Variants in KRT6A observed in about 807,000 individuals in gnomAD.
The protein encoded by KRT6A is keratin 6A.
In KRT6A, 28 loss-of-function variants were observed where a neutral mutation model predicts 48.6. The ratio of observed to expected loss-of-function variants is 0.58; its 90% CI spans 0.43 to 0.79. KRT6A has a LOEUF of 0.79. Ranked by LOEUF, KRT6A falls within the 30% of genes least tolerant of loss-of-function variation. The probability of loss-of-function intolerance (pLI) is 0.00; values close to 1 mark genes in which losing one functional copy is unlikely to be tolerated. For synonymous variants in KRT6A, 301 were observed against 294.2 expected (o/e 1.02, Z -0.24); for missense variants, 687 against 724.3 (o/e 0.95, Z 0.59).
chr12:52,490,925 A>T lies in KRT6A; in HGVS notation c.845T>A (p.Val282Asp). The change falls in exon 4 of 9, where the codon GTT (valine) becomes GAT (aspartate). Residue 282 changes from valine (V) to aspartate (D), a missense_variant. By Grantham distance (152) the Val-to-Asp change is radical. Around this residue, in one of 3 missense-constraint regions of KRT6A, gnomAD observed 566 missense variants for 565.3 expected, o/e 1.00. Transcript: ENST00000330722. Reference sequence around the variant, plus strand: ...AGTGTCTGCCTTGGCTTGCAGTTCAACCTTGTTCATGTAGGCAGCATCCAC... The same window carrying T: ...AGTGTCTGCCTTGGCTTGCAGTTCATCCTTGTTCATGTAGGCAGCATCCAC... ...KDVDAAYMNK[V>D]ELQAKADTLT... The T allele has an allele frequency of 3.1e-6, 5 of 1,613,914 alleles. No homozygotes were observed. The African/African-American group carries it at 5.3e-5, about 17-fold the overall frequency.
chr12:52,488,674 CCTAT>C (rs1344068928), intron 6 of KRT6A, 126 bp from the exon 7 acceptor site: 2 of 1,213,792 alleles, frequency 1.6e-6, no homozygotes, highest in East Asian at 2.6e-5. Context: ...TCTGACTCTT[CCTAT>C]CTATTGTTTT....
At chr12:52,490,235 T>C (rs2120399573) in intron 5 of KRT6A, 167 bp from the exon 6 acceptor site, 3 of 1,303,440 alleles carry the variant, frequency 2.3e-6, no homozygotes, top group Non-Finnish European at 2.2e-6. Flanking sequence ...AACACTGGAG[T>C]CACAGACCAT....
chr12:52,488,780 T>C (rs542458509), intron 6 of KRT6A, among the ~76,000 whole-genome samples: 1 of 152,288 alleles, frequency 6.6e-6, no homozygotes, highest in African/African-American at 2.4e-5. Flanking sequence ...AATGTGGATA[T>C]TTACTAATGG....
In KRT6A at chr12:52,487,554, G is replaced by A. The variant is rs1288352046; in HGVS notation, c.*166C>T. 2.6e-6 allele frequency: 2 copies of A among 780,820 alleles called. No individual in the cohort carries two copies. Among genetic ancestry groups the A allele is most frequent in the East Asian group, 2.7e-5 (1 of 37,402 alleles). The allele number at this position is 780,820 out of a possible 1,614,324, so 48.4% of individuals were successfully genotyped here. ...ATGGTGAGCAATGGGTGCTCAGATG[G>A]TATAGAGAGAGAGAGAAGAAGTGAG... is the stretch of plus-strand genomic sequence containing the variant. On this transcript the variant is annotated 3_prime_UTR_variant, in exon 9 of 9. Transcript: ENST00000330722.
chr12:52,492,937 G>A lies in KRT6A; in HGVS notation c.252C>T (p.Gly84=). 1 of 1,607,758 alleles carries A rather than the reference G, an allele frequency of 6.2e-7. No individual in the cohort carries two copies. The highest frequency in any genetic ancestry group is 8.5e-7 in the Non-Finnish European group (1 of 1,177,380). Residue 84 remains glycine, a synonymous_variant, in exon 1 of 9, where the codon GGC becomes GGT. Coordinates refer to ENST00000330722, the MANE Select transcript of KRT6A (RefSeq NM_005554.4). The part of the protein sequence containing the change: ...GGSCAISGGY[G]SRAGGSYGFG... The stretch of plus-strand genomic sequence containing the variant: ...AGCCATAGCTGCCTCCGGCTCTGCT[G>A]CCATAGCCGCCACTGATGGCACAGC...
At chr12:52,492,563 C>T (rs1450545648) in intron 1 of KRT6A, 86 bp downstream of exon 1, 1 of 1,610,818 alleles carries the variant, frequency 6.2e-7, no homozygotes, top group Non-Finnish European at 8.5e-7. Context: ...CTTCTCCCTC[C>T]CTCCTAGGTC....
intron 6 of KRT6A, among the ~76,000 whole-genome samples, chr12:52,489,404 G>A (rs1357208032): frequency 1.3e-5 from 2 of 151,994 alleles, no homozygotes; most frequent in African/African-American, 2.4e-5. Context: ...TCAGTCTCCT[G>A]AGTAGCTGGG....
Position 52,488,397 on chromosome 12 carries a change from A to T in KRT6A, c.1355T>A (p.Met452Lys), listed in dbSNP as rs1160271787. ...CACGTCCAGGGCCAGCTTGACATTC[A>T]TCAGCTCCTGGTACTCCTTCAGCAG... ...ARLLKEYQELMNVKLALDVEI... is the reference protein window; with the variant it reads ...ARLLKEYQELKNVKLALDVEI... Residue 452 changes from methionine to lysine, a missense_variant, in exon 7 of 9, where the codon ATG becomes AAG. Physicochemically the swap from Met to Lys is moderately conservative, Grantham distance 95. This residue lies in a region of KRT6A where 566 missense variants were observed against 565.3 expected (regional missense o/e 1.00). Transcript: ENST00000330722. The T allele has an allele frequency of 1.2e-6, 2 of 1,613,946 alleles. No individual in the cohort carries two copies. The highest frequency in any genetic ancestry group is 1.3e-5 in the African/African-American group (1 of 74,888).
At chr12:52,491,882 C>T (rs1193903893) in intron 1 of KRT6A, 146 bp from the exon 2 acceptor site, 6 of 1,061,884 alleles carry the variant, frequency 5.7e-6, no homozygotes, top group Admixed American at 2.0e-5. Context: ...GCTCTGCTCC[C>T]CCAACCCCTT....
Position 52,490,937 on chromosome 12 carries a change from T to C in KRT6A, c.833A>G (p.Tyr278Cys). The stretch of plus-strand genomic sequence containing the variant: ...GGCTTGCAGTTCAACCTTGTTCATG[T>C]AGGCAGCATCCACATCCTGGGGAAA... ...VTLKKDVDAA[Y>C]MNKVELQAKA... The change falls in exon 4 of 9, where the codon TAC becomes TGC. Residue 278 changes from tyrosine (Y) to cysteine (C), a missense_variant. Tyr to Cys is a radical substitution (Grantham distance 194). Coordinates refer to ENST00000330722, the MANE Select transcript of KRT6A (RefSeq NM_005554.4). The C allele has an allele frequency of 6.2e-7, 1 of 1,613,990 alleles. No individual in the cohort carries two copies. Among genetic ancestry groups the C allele is most frequent in the South Asian group, 1.1e-5 (1 of 91,076 alleles).
At position 52,493,185 on chromosome 12, in the gene KRT6A, C is replaced by T. The variant is rs1229026357; in HGVS notation, c.4G>A (p.Ala2Thr). ...CTCCTGATGGTGGTGGATGTGCTGGCCATGGTTCCAGGAGATGAGAGAGCT... is the reference window on the plus strand; with the variant it reads ...CTCCTGATGGTGGTGGATGTGCTGGTCATGGTTCCAGGAGATGAGAGAGCT... M[A>T]STSTTIRSHS... The change falls in exon 1 of 9, where the codon GCC (alanine) becomes ACC (threonine). Residue 2 changes from alanine (A) to threonine (T), a missense_variant. Ala to Thr is a moderately conservative substitution (Grantham distance 58). Around this residue, in one of 3 missense-constraint regions of KRT6A, gnomAD observed 72 missense variants for 61.8 expected, o/e 1.17. Transcript: ENST00000330722. The T allele has an allele frequency of 1.9e-6, 3 of 1,613,988 alleles. No individual in the cohort carries two copies. The highest frequency in any genetic ancestry group is 3.3e-5 in the Admixed American group (2 of 59,998).
intron 6 of KRT6A, among the ~76,000 whole-genome samples, chr12:52,489,053 T>C (rs1938203895): frequency 6.6e-6 from 1 of 152,230 alleles, no homozygotes; most frequent in Non-Finnish European, 1.5e-5. Context: ...ACCTTGAGTC[T>C]TGAGCAGATT....
chr12:52,490,360 G>A lies in KRT6A; in HGVS notation c.1077+209C>T, dbSNP rs571564070. ...TAAATGCAGAGATGACTATGTCCTT[G>A]TCTATGGTAGCTTTCCTCCTGCATT... On this transcript the variant is annotated intron_variant, in intron 5 of 8. Transcript: ENST00000330722. The A allele has an allele frequency of 9.2e-5, 89 of 968,668 alleles. 2 individuals are homozygous for A. In the South Asian group the frequency reaches 1.3e-3, roughly 14 times the overall value. The allele number at this position is 968,668 out of a possible 1,614,324, so 60.0% of individuals were successfully genotyped here. A position where few individuals can be genotyped will look rare whatever the true frequency, so the allele number is the denominator to read the frequency against.
At chr12:52,492,561 T>G (rs549661227) in intron 1 of KRT6A, 88 bp downstream of exon 1, 1 of 1,610,436 alleles carries the variant, frequency 6.2e-7, no homozygotes. Flanking sequence ...CTCTTCTCCC[T>G]CCCTCCTAGG....
intron 5 of KRT6A, 190 bp downstream of exon 5, chr12:52,490,379 C>A (rs1592185104): frequency 9.4e-7 from 1 of 1,062,336 alleles, no homozygotes; most frequent in East Asian, 2.5e-5. Context: ...AGCTTTCCTC[C>A]TGCATTGGGT....
At position 52,490,566 on chromosome 12, in the gene KRT6A, C is replaced by T. The variant is rs757516067; in HGVS notation, c.1077+3G>A. On this transcript the variant is annotated splice_donor_region_variant and intron_variant, in intron 5 of 8. Transcript: ENST00000330722. Reference sequence around the variant, plus strand: ...CCTCAGCGGCTGCCCACTCCCTGCTCACCTTGGTCTGGTACCAGGACTCAG... The same window carrying T: ...CCTCAGCGGCTGCCCACTCCCTGCTTACCTTGGTCTGGTACCAGGACTCAG... 1.3e-5 allele frequency: 21 copies of T among 1,614,234 alleles called. No individual in the cohort carries two copies. The highest frequency in any genetic ancestry group is 1.6e-5 in the Non-Finnish European group (19 of 1,180,046).
In KRT6A at chr12:52,487,565, G is replaced by T; in HGVS notation, c.*155C>A. ...TGGGTGCTCAGATGGTATAGAGAGA[G>T]AGAGAAGAAGTGAGGGCACTAAGCA... On this transcript the variant is annotated 3_prime_UTR_variant, in exon 9 of 9. Coordinates refer to ENST00000330722, the MANE Select transcript of KRT6A (RefSeq NM_005554.4). The T allele has an allele frequency of 2.4e-6, 2 of 842,788 alleles. No individual in the cohort carries two copies. Among genetic ancestry groups the T allele is most frequent in the South Asian group, 1.7e-5 (1 of 58,568 alleles). 52.2% of individuals were successfully genotyped at this position (842,788 alleles called of 1,614,324 possible). A position where few individuals can be genotyped will look rare whatever the true frequency, so the allele number is the denominator to read the frequency against.
Position 52,493,107 on chromosome 12 carries a change from C to T in KRT6A, c.82G>A (p.Val28Ile). Residue 28 changes from valine to isoleucine, a missense_variant, in exon 1 of 9, where the codon GTC becomes ATC. By Grantham distance (29) the Val-to-Ile change is conservative. Transcript: ENST00000330722. ...ACGCTGCTGAAGCCAGAGCGGCTGA[C>T]CCCAGGGAGCCTGGCTGAGTTGGCA... Reference protein sequence around the residue: ...FSANSARLPGVSRSGFSSVSV... With the variant: ...FSANSARLPGISRSGFSSVSV... 3 of 1,613,984 alleles carry T rather than the reference C, an allele frequency of 1.9e-6. No individual in the cohort carries two copies. Among genetic ancestry groups the T allele is most frequent in the Non-Finnish European group, 2.5e-6 (3 of 1,180,046 alleles).
intron 6 of KRT6A, 150 bp from the exon 7 acceptor site, chr12:52,488,698 T>A: frequency 1.8e-6 from 2 of 1,100,530 alleles, no homozygotes; most frequent in Non-Finnish European, 2.6e-6. Flanking sequence ...TTTTTTTTAT[T>A]TTGCAGTTTT....
Sources: gnomAD v4.1 joint callset for allele counts (sites outside exome capture counted in the v4.1 genomes callset) on GRCh38, gnomAD v4.1.1 for gene constraint, gnomAD v4.1.1 regional missense constraint, MANE v1.5 for transcripts, NCBI Gene and HGNC (gene_info 2026-07-23, HGNC 2026-07-21) for gene names.